Variants in PDE3A observed in about 807,000 individuals in gnomAD.
The protein encoded by PDE3A is phosphodiesterase 3A, also known as cGMP-inhibited 3',5'-cyclic phosphodiesterase 3A.
A neutral mutation model predicts 98.3 loss-of-function variants in PDE3A; 43 were observed. The ratio of observed to expected loss-of-function variants is 0.44; its 90% CI spans 0.34 to 0.56. The LOEUF (loss-of-function observed/expected upper bound fraction) is 0.56. Ranked by LOEUF, PDE3A falls within the 20% of genes least tolerant of loss-of-function variation. The probability of loss-of-function intolerance (pLI) is 0.01; values close to 1 mark genes in which losing one functional copy is unlikely to be tolerated. For synonymous variants in PDE3A, 663 were observed against 567.9 expected (o/e 1.17, Z -2.38); for missense variants, 1,427 against 1,440.7 (o/e 0.99, Z 0.15).
At chr12:20,439,074 T>C (rs1331398029) in intron 1 of PDE3A, among the ~76,000 whole-genome samples, 1 of 152,136 alleles carries the variant, frequency 6.6e-6, no homozygotes, top group Non-Finnish European at 1.5e-5. Context: ...GGATTACAGG[T>C]GTGAGTCACT....
chr12:20,662,376 A>G (rs768254061), intron 15 of PDE3A, among the ~76,000 whole-genome samples: 9 of 152,198 alleles, frequency 5.9e-5, no homozygotes, highest in Non-Finnish European at 1.3e-4. Context: ...TGTTTTGCTT[A>G]CCCTGCAGAG....
At chr12:20,515,266 G>A (rs981264913) in intron 1 of PDE3A, among the ~76,000 whole-genome samples, 1 of 152,194 alleles carries the variant, frequency 6.6e-6, no homozygotes, top group South Asian at 2.1e-4. Flanking sequence ...CTACTGCCTG[G>A]CATATAGTAG....
chr12:20,565,024 T>C (rs1942620352), intron 2 of PDE3A, among the ~76,000 whole-genome samples: 1 of 152,068 alleles, frequency 6.6e-6, no homozygotes, highest in African/African-American at 2.4e-5. Context: ...AAAAGCATAT[T>C]TTGAGAGAGA....
chr12:20,409,817 A>G (rs1406854148), intron 1 of PDE3A, among the ~76,000 whole-genome samples: 2 of 152,210 alleles, frequency 1.3e-5, no homozygotes, highest in Non-Finnish European at 2.9e-5. Flanking sequence ...CTATTCTTTT[A>G]CAGATTAACT....
At chr12:20,574,682 G>A (rs1006109943) in intron 2 of PDE3A, among the ~76,000 whole-genome samples, 3 of 151,860 alleles carry the variant, frequency 2.0e-5, no homozygotes, top group Admixed American at 1.3e-4. Context: ...TCAGCATGAT[G>A]AGCCCAGGCC....
chr12:20,621,430 G>A lies in PDE3A; in HGVS notation c.1540+19G>A, dbSNP rs764744921. On this transcript the variant is annotated intron_variant, in intron 5 of 15. Coordinates refer to ENST00000359062, the MANE Select transcript of PDE3A (RefSeq NM_000921.5). Reference sequence around the variant, plus strand: ...CGACCAGGTAAGTAACTTAACTGGAGAAGGGTTCATACTGTGAGTGTGGAG... The same window carrying A: ...CGACCAGGTAAGTAACTTAACTGGAAAAGGGTTCATACTGTGAGTGTGGAG... 7 of 1,276,774 alleles carry A rather than the reference G, an allele frequency of 5.5e-6. No homozygotes were observed. The Admixed American group carries it at 6.7e-5, about 12-fold the overall frequency. 79.1% of individuals were successfully genotyped at this position (1,276,774 alleles called of 1,614,324 possible).
At chr12:20,556,576 AC>A in intron 1 of PDE3A, 83 bp from the exon 2 acceptor site, 1 of 882,600 alleles carries the variant, frequency 1.1e-6, no homozygotes, top group South Asian at 1.4e-5. Flanking sequence ...GATTGGAACA[AC>A]CTGATTATTC....
intron 1 of PDE3A, among the ~76,000 whole-genome samples, chr12:20,428,655 A>G (rs904636736): frequency 6.6e-6 from 1 of 152,220 alleles, no homozygotes; most frequent in African/African-American, 2.4e-5. Context: ...AACAGAATAT[A>G]GGCCACTTTA....
intron 1 of PDE3A, among the ~76,000 whole-genome samples, chr12:20,418,979 G>T (rs1235150434): frequency 6.6e-6 from 1 of 152,002 alleles, no homozygotes; most frequent in East Asian, 1.9e-4. Context: ...TCCTGGTTTT[G>T]TCAGTATAAA....
Position 20,654,220 on chromosome 12 carries a change from C to G in PDE3A, c.3184+15C>G. On this transcript the variant is annotated intron_variant, in intron 15 of 15. Coordinates refer to ENST00000359062, the MANE Select transcript of PDE3A (RefSeq NM_000921.5). ...TGAATCTCCAAGTAAGTTCTAAAAC[C>G]TAGTTCTAATGTGTTTTCCCTGGGA... 6.2e-7 allele frequency: 1 copy of G among 1,612,584 alleles called. No individual in the cohort carries two copies. The highest frequency in any genetic ancestry group is 8.5e-7 in the Non-Finnish European group (1 of 1,178,936).
chr12:20,541,089 T>C lies in PDE3A; in HGVS notation c.961-15571T>C, dbSNP rs1379353258. ...TTGGTAACTTTCTTTTTTTTTTTTT[T>C]TTTTTTTTTTTTTTTTTTTTTTTTT... On this transcript the variant is annotated intron_variant, in intron 1 of 15. Transcript: ENST00000359062. Among the ~76,000 whole-genome samples, 375 of 82,450 alleles carry C rather than the reference T, an allele frequency of 4.5e-3. 4 individuals carry two copies. The highest frequency in any genetic ancestry group is 0.02 in the African/African-American group (357 of 17,546). 54.1% of individuals were successfully genotyped at this position (82,450 alleles called of 152,430 possible).
At chr12:20,483,678 T>C (rs1945672589) in intron 1 of PDE3A, among the ~76,000 whole-genome samples, 1 of 152,212 alleles carries the variant, frequency 6.6e-6, no homozygotes, top group African/African-American at 2.4e-5. Context: ...ATCTACTTTC[T>C]AGTTTAATTG....
At chr12:20,634,586 T>C (rs562614723) in intron 7 of PDE3A, among the ~76,000 whole-genome samples, 1 of 152,306 alleles carries the variant, frequency 6.6e-6, no homozygotes, top group Non-Finnish European at 1.5e-5. Context: ...AGTGGTTTAA[T>C]GTATAGGGAG....
chr12:20,508,928 T>C (rs1454323007), intron 1 of PDE3A, among the ~76,000 whole-genome samples: 1 of 152,048 alleles, frequency 6.6e-6, no homozygotes, highest in East Asian at 1.9e-4. Context: ...ATGCCATTCT[T>C]ACAGGTTAAG....
In PDE3A at chr12:20,552,715, G is replaced by T. The variant is rs1217856666; in HGVS notation, c.961-3945G>T. 25 of 1,613,916 alleles carry T rather than the reference G, an allele frequency of 1.5e-5. No homozygotes were observed. Among genetic ancestry groups the T allele is most frequent in the Non-Finnish European group, 2.0e-5 (24 of 1,179,896 alleles). ...CAAGAGCAACGCCAAGCTGTGGAAT[G>T]AGGTCCTGGCGTCACTCAAGGACCG... On this transcript the variant is annotated intron_variant, in intron 1 of 15. Coordinates refer to ENST00000359062, the MANE Select transcript of PDE3A (RefSeq NM_000921.5). This position sits in a 1 kb window ranked among gnomAD's most constrained non-coding sequence, Gnocchi z 5.1.
rs1945791681 is a variant in PDE3A, at chr12:20,681,748, G to A, written c.*1477G>A. The A allele has an allele frequency of 6.6e-6, 1 of 151,126 alleles. No homozygotes were observed. Among genetic ancestry groups the A allele is most frequent in the Non-Finnish European group, 1.5e-5 (1 of 67,628 alleles). The allele number at this position is 151,126 out of a possible 1,614,324, so 9.4% of individuals were successfully genotyped here. On this transcript the variant is annotated 3_prime_UTR_variant, in exon 16 of 16. Coordinates refer to ENST00000359062, the MANE Select transcript of PDE3A (RefSeq NM_000921.5). Reference sequence around the variant, plus strand: ...TTTTTTGTTTGTTTTGTTTTGGTTTGTTTGTTTATCTACACTTGTTTATGC... The same window carrying A: ...TTTTTTGTTTGTTTTGTTTTGGTTTATTTGTTTATCTACACTTGTTTATGC...
chr12:20,558,128 A>G (rs1193852509), intron 2 of PDE3A, among the ~76,000 whole-genome samples: 1 of 151,546 alleles, frequency 6.6e-6, no homozygotes, highest in East Asian at 1.9e-4. Context: ...GATATACATC[A>G]TTTACTCTCT....
At chr12:20,676,721 G>A (rs1037327955) in intron 15 of PDE3A, among the ~76,000 whole-genome samples, 4 of 151,940 alleles carry the variant, frequency 2.6e-5, no homozygotes, top group South Asian at 2.1e-4. Context: ...GGATTGTCTC[G>A]ATCTCCTGAC....
intron 15 of PDE3A, among the ~76,000 whole-genome samples, chr12:20,663,983 G>T (rs1945244511): frequency 6.6e-6 from 1 of 152,072 alleles, no homozygotes; most frequent in Non-Finnish European, 1.5e-5. Context: ...GGAGGTAATT[G>T]AATCATGGGG....
Sources: allele counts gnomAD v4.1 joint callset (sites outside exome capture counted in the v4.1 genomes callset), GRCh38; gene constraint gnomAD v4.1.1; non-coding constraint Gnocchi (gnomAD v3.1); transcripts MANE v1.5; gene names NCBI Gene and HGNC (gene_info 2026-07-23, HGNC 2026-07-21).